Variants in ATP12A observed in about 807,000 individuals in gnomAD.
ATP12A encodes the protein ATPase H+/K+ transporting non-gastric alpha2 subunit.
Under a neutral mutation model 111.2 loss-of-function variants are expected in ATP12A, and 81 were observed. The observed-to-expected ratio is 0.73, with a 90% CI of 0.61 to 0.88. The LOEUF (loss-of-function observed/expected upper bound fraction) is 0.88. ATP12A is among the 40% of genes least tolerant of loss of function. The pLI is 0.00. For synonymous variants in ATP12A, 498 were observed against 499.8 expected (o/e 1.00, Z 0.05); for missense variants, 1,196 against 1,313.1 (o/e 0.91, Z 1.38).
rs1874394744 is a variant in ATP12A, at chr13:24,680,668, C to A, written c.-76C>A. On this transcript the variant is annotated 5_prime_UTR_variant, in exon 1 of 23. Coordinates refer to ENST00000381946, the MANE Select transcript of ATP12A (RefSeq NM_001676.7). ...TGCCACTGCCACAGCCACACGAGGC[C>A]CCCCACCGTGCGCTCCGCCGCTGCG... The A allele has an allele frequency of 6.8e-7, 1 of 1,480,844 alleles. No homozygotes were observed. The highest frequency in any genetic ancestry group is 2.8e-5 in the East Asian group (1 of 35,890). The allele number at this position is 1,480,844 out of a possible 1,614,324, so 91.7% of individuals were successfully genotyped here. A position where few individuals can be genotyped will look rare whatever the true frequency, so the allele number is the denominator to read the frequency against.
chr13:24,711,883 C>A lies in ATP12A; in HGVS notation c.*361C>A. On this transcript the variant is annotated 3_prime_UTR_variant, in exon 23 of 23. Transcript: ENST00000381946. ...GCCTTAAGCTCTAGCTAGGATTGCT[C>A]AGAACTCCTTTCCACACCCTATTAA... 3.2e-6 allele frequency: 1 copy of A among 309,352 alleles called. No individual in the cohort carries two copies. Among genetic ancestry groups the A allele is most frequent in the Non-Finnish European group, 6.1e-6 (1 of 164,206 alleles). 19.2% of individuals were successfully genotyped at this position (309,352 alleles called of 1,614,324 possible).
At chr13:24,707,600 C>T (rs572347523) in intron 17 of ATP12A, among the ~76,000 whole-genome samples, 167 bp downstream of exon 17, 1 of 152,208 alleles carries the variant, frequency 6.6e-6, no homozygotes, top group East Asian at 1.9e-4. Context: ...GGTGCCCATT[C>T]TACCAGTCCA....
At position 24,711,516 on chromosome 13, in the gene ATP12A, T is replaced by C; in HGVS notation, c.3114T>C (p.Tyr1038=). 1 of 1,614,184 alleles carries C rather than the reference T, an allele frequency of 6.2e-7. No homozygotes were observed. The highest frequency in any genetic ancestry group is 8.5e-7 in the Non-Finnish European group (1 of 1,180,032). Residue 1038 remains tyrosine, a synonymous_variant, in exon 23 of 23, where the codon TAT becomes TAC. Transcript: ENST00000381946. Reference sequence around the variant, plus strand: ...CAGGCTGGTGGGATAAGAACATGTATTATTAAGACCACCTCCCTTCCTATG... The same window carrying C: ...CAGGCTGGTGGGATAAGAACATGTACTATTAAGACCACCTCCCTTCCTATG... ...YPGSWWDKNM[Y]Y
intron 1 of ATP12A, among the ~76,000 whole-genome samples, chr13:24,680,981 C>A (rs1874409803): frequency 6.6e-6 from 1 of 152,224 alleles, no homozygotes; most frequent in South Asian, 2.1e-4. Flanking sequence ...AGAAGCCAGT[C>A]CAGAGGAGCG....
rs2137690468 is a variant in ATP12A at position 24,685,998 on chromosome 13, A to G, written c.228+625A>G. ...GAGCTGTCTTAGAGGCAGAAGGGAC[A>G]TGGTTTCCACACATGGAGGTGCTTT... On this transcript the variant is annotated intron_variant, in intron 3 of 22. Coordinates refer to ENST00000381946, the MANE Select transcript of ATP12A (RefSeq NM_001676.7). The surrounding 1 kb of genome is among the most constrained non-coding windows in gnomAD (Gnocchi z 5.5). 6.6e-6 allele frequency among the ~76,000 whole-genome samples: 1 copy of G among 152,352 alleles called. No individual in the cohort carries two copies. The highest frequency in any genetic ancestry group is 2.4e-5 in the African/African-American group (1 of 41,586).
intron 18 of ATP12A, 21 bp from the exon 19 acceptor site, chr13:24,709,662 C>T (rs1875874696): frequency 6.2e-7 from 1 of 1,612,788 alleles, no homozygotes; most frequent in South Asian, 1.1e-5. Context: ...AACCTGTGTC[C>T]TATCTCTCTT....
At chr13:24,682,132 G>A (rs1392320997) in intron 2 of ATP12A, among the ~76,000 whole-genome samples, 1 of 106,674 alleles carries the variant, frequency 9.4e-6, no homozygotes, top group Non-Finnish European at 2.0e-5. Flanking sequence ...TGTGTGTGTG[G>A]TGTGTATATG....
chr13:24,708,136 G>T (rs1875752193), intron 17 of ATP12A, among the ~76,000 whole-genome samples: 2 of 152,180 alleles, frequency 1.3e-5, no homozygotes, highest in Admixed American at 1.3e-4. Flanking sequence ...CTCTTGTTAA[G>T]TAAGAGAGTC....
In ATP12A at chr13:24,706,425, C is replaced by T; in HGVS notation, c.2131C>T (p.Gln711Ter). Reference sequence around the variant, plus strand: ...GATTGTCTTTGCCCGGACATCCCCCCAGCAGAAGCTGATCATTGTGGAGGG... The same window carrying T: ...GATTGTCTTTGCCCGGACATCCCCCTAGCAGAAGCTGATCATTGTGGAGGG... ...QEIVFARTSP[Q>*]QKLIIVEGCQ... Residue 711 changes from glutamine to a stop codon, truncating the protein, a stop_gained, in exon 15 of 23, where the codon CAG becomes TAG. Coordinates refer to ENST00000381946, the MANE Select transcript of ATP12A (RefSeq NM_001676.7). LOFTEE classifies it high-confidence loss of function. 6.2e-7 allele frequency: 1 copy of T among 1,614,198 alleles called. No individual in the cohort carries two copies. Among genetic ancestry groups the T allele is most frequent in the East Asian group, 2.2e-5 (1 of 44,884 alleles).
At chr13:24,708,723 T>A (rs957277706) in intron 17 of ATP12A, among the ~76,000 whole-genome samples, 14 of 150,142 alleles carry the variant, frequency 9.3e-5, no homozygotes, top group Admixed American at 9.3e-4. Context: ...AAAATAAAAA[T>A]TAAGAACAAA....
chr13:24,685,670 T>G lies in ATP12A; in HGVS notation c.228+297T>G, dbSNP rs1417060733. 6.6e-6 allele frequency among the ~76,000 whole-genome samples: 1 copy of G among 152,154 alleles called. No homozygotes were observed. Among genetic ancestry groups the G allele is most frequent in the African/African-American group, 2.4e-5 (1 of 41,438 alleles). ...AAATGTGTATGGAAGTGTCCTGAGATTCACTCTATCCCCCTGGGATGGCTA... is the reference window on the plus strand; with the variant it reads ...AAATGTGTATGGAAGTGTCCTGAGAGTCACTCTATCCCCCTGGGATGGCTA... On this transcript the variant is annotated intron_variant, in intron 3 of 22. Transcript: ENST00000381946. This position sits in a 1 kb window ranked among gnomAD's most constrained non-coding sequence, Gnocchi z 5.5.
rs1156901416 is a variant in ATP12A, at chr13:24,701,032, A to C, written c.1881+110A>C. 3 of 1,200,384 alleles carry C rather than the reference A, an allele frequency of 2.5e-6. No homozygotes were observed. In the African/African-American group the frequency reaches 4.6e-5, roughly 18 times the overall value. 74.4% of individuals were successfully genotyped at this position (1,200,384 alleles called of 1,614,324 possible). A position where few individuals can be genotyped will look rare whatever the true frequency, so the allele number is the denominator to read the frequency against. ...ATTTAGGTGTCTTCAAGTAAATATC[A>C]TAATTCCTATTTTATTTCTAGTTTC... is the stretch of plus-strand genomic sequence containing the variant. On this transcript the variant is annotated intron_variant, in intron 13 of 22. Coordinates refer to ENST00000381946, the MANE Select transcript of ATP12A (RefSeq NM_001676.7).
chr13:24,682,313 TGTGTGGTGTGTGTGTAGC>T (rs1874505158), intron 2 of ATP12A, among the ~76,000 whole-genome samples: 3 of 139,610 alleles, frequency 2.1e-5, no homozygotes, highest in Non-Finnish European at 3.1e-5. Context: ...GTGCATGGTA[TGTGTGGTGTGTGTGTAGC>T]GTGTGGTGTG....
chr13:24,687,259 G>C (rs13378218), intron 3 of ATP12A, among the ~76,000 whole-genome samples: 3,665 of 152,144 alleles, frequency 0.024, 150 homozygotes, highest in African/African-American at 0.083. Context: ...TCAGGAGTTC[G>C]AAACCAGCCT....
At chr13:24,696,864 A>G (rs1488224724) in intron 11 of ATP12A, among the ~76,000 whole-genome samples, 1 of 151,914 alleles carries the variant, frequency 6.6e-6, no homozygotes. Flanking sequence ...AGGGCTTTAG[A>G]TGTCATGGCC....
Position 24,690,678 on chromosome 13 carries a change from G to A in ATP12A, c.756G>A (p.Leu252=). Residue 252 remains leucine, a synonymous_variant, in exon 7 of 23, where the codon CTG becomes CTA. Transcript: ENST00000381946. The stretch of plus-strand genomic sequence containing the variant: ...CTGAGTTTACCCATGAAAACCCCCT[G>A]GAAACAAAGAACATCTGCTTCTATT... The part of the protein sequence containing the change: ...RSSEFTHENP[L]ETKNICFYST... The A allele has an allele frequency of 6.2e-7, 1 of 1,613,964 alleles. No individual in the cohort carries two copies.
At chr13:24,710,694 C>T in intron 20 of ATP12A, 98 bp from the exon 21 acceptor site, 3 of 1,601,550 alleles carry the variant, frequency 1.9e-6, no homozygotes, top group Admixed American at 1.7e-5. Flanking sequence ...ACACTTGTAA[C>T]CCCAGAGGCA....
At chr13:24,710,917 G>T in intron 21 of ATP12A, 24 bp downstream of exon 21, 1 of 1,600,264 alleles carries the variant, frequency 6.2e-7, no homozygotes, top group Middle Eastern at 1.7e-4. Context: ...CAACAGCATG[G>T]AGGAAAGAGC....
rs755586984 is a variant in ATP12A at position 24,681,677 on chromosome 13, A to C, written c.125A>C (p.Lys42Thr). 3 of 1,614,256 alleles carry C rather than the reference A, an allele frequency of 1.9e-6. No individual in the cohort carries two copies. Among genetic ancestry groups the C allele is most frequent in the Non-Finnish European group, 2.5e-6 (3 of 1,180,052 alleles). Residue 42 changes from lysine (K) to threonine (T), a missense_variant, in exon 2 of 23, where the codon AAA becomes ACA. Lys to Thr is a moderately conservative substitution (Grantham distance 78). Coordinates refer to ENST00000381946, the MANE Select transcript of ATP12A (RefSeq NM_001676.7). ...RGLKNNCLEL[K>T]KKNHKEEFQK... ...CTGAAGAACAACTGCCTGGAACTCA[A>C]AAAGAAAAATCACAAAGAGGAGTTT... is the stretch of plus-strand genomic sequence containing the variant.
Sources: allele counts gnomAD v4.1 joint callset (sites outside exome capture counted in the v4.1 genomes callset), GRCh38; gene constraint gnomAD v4.1.1; non-coding constraint Gnocchi (gnomAD v3.1); transcripts MANE v1.5; gene names NCBI Gene and HGNC (gene_info 2026-07-23, HGNC 2026-07-21).